Variants in SLC22A14 observed in about 807,000 individuals in gnomAD.
SLC22A14 encodes organic cation transporter-like 4.
In SLC22A14, 50 loss-of-function variants were observed where a neutral mutation model predicts 53.9. The observed-to-expected ratio is 0.93, with a 90% confidence interval of 0.74 to 1.17. SLC22A14 has a LOEUF of 1.17. Among genes scored for constraint, SLC22A14 ranks in the 50% most tolerant of loss-of-function variants. The probability of loss-of-function intolerance (pLI) is 0.00; values close to 1 mark genes in which losing one functional copy is unlikely to be tolerated. For missense variants in SLC22A14, 671 were observed against 734.7 expected, an observed-to-expected ratio of 0.91 and a Z score of 1.00; for synonymous variants, 312 against 303.0, an observed-to-expected ratio of 1.03 and a Z score of -0.31.
rs911994222 is a variant in SLC22A14, at chr3:38,306,179, G to A, written c.153G>A (p.Lys51=). 1 of 1,614,214 alleles carries A rather than the reference G, an allele frequency of 6.2e-7. No homozygotes were observed. The highest frequency in any genetic ancestry group is 1.3e-5 in the African/African-American group (1 of 75,060). The change falls in exon 2 of 11, where the codon AAG becomes AAA. Residue 51 remains lysine (K), a synonymous_variant. Coordinates refer to ENST00000448498, the MANE Select transcript of SLC22A14 (RefSeq NM_001320033.2). ...LRAVHTKQDD[K]FANLLDAVGE... ...CTGTCCACACCAAGCAGGATGACAA[G>A]TTTGCCAACCTCCTGGATGCGGTGG...
intron 1 of SLC22A14, among the ~76,000 whole-genome samples, chr3:38,285,607 T>C (rs953732327): frequency 6.6e-6 from 1 of 152,210 alleles, no homozygotes; most frequent in Non-Finnish European, 1.5e-5. Flanking sequence ...CTCATACAGG[T>C]TGATGGATGG....
Position 38,307,224 on chromosome 3 carries a change from C to T in SLC22A14, c.517-30C>T, listed in dbSNP as rs926332304. ...AGTCTCTGGACCCAAAGGTGGGCAC[C>T]CGTGGCCAATCTCTGTGTCTGACCC... On this transcript the variant is annotated intron_variant, in intron 2 of 10. Coordinates refer to ENST00000448498, the MANE Select transcript of SLC22A14 (RefSeq NM_001320033.2). The surrounding 1 kb of genome is among the most constrained non-coding windows in gnomAD (Gnocchi z 4.4). The T allele has an allele frequency of 1.3e-6, 2 of 1,531,836 alleles. No individual in the cohort carries two copies. The highest frequency in any genetic ancestry group is 1.7e-5 in the Admixed American group (1 of 59,924). 94.9% of individuals were successfully genotyped at this position (1,531,836 alleles called of 1,614,324 possible). A position where few individuals can be genotyped will look rare whatever the true frequency, so the allele number is the denominator to read the frequency against.
intron 1 of SLC22A14, among the ~76,000 whole-genome samples, chr3:38,302,340 A>ATG (rs1442308054): frequency 2.0e-5 from 3 of 147,448 alleles, no homozygotes; most frequent in Non-Finnish European, 4.5e-5. Context: ...TTATATATAT[A>ATG]TTTATATTTT....
At chr3:38,279,788 T>TTTGCTCCTCAAAG (rs1184389862), upstream of SLC22A14, among the ~76,000 whole-genome samples, 46 of 152,274 alleles carry the variant, frequency 3.0e-4, no homozygotes, top group Middle Eastern at 3.4e-3. Context: ...ACCCTGGTTG[T>TTTGCTCCTCAAAG]GTATCTCCTT....
Position 38,309,019 on chromosome 3 carries a change from G to GT in SLC22A14, c.843dup (p.Gly282TrpfsTer92). ...TATCCTGGGACACTGCTTTTTCGCTGTTGGGGCCGTGTTGCTGACAGGGAT... is the reference window on the plus strand; with the variant it reads ...TATCCTGGGACACTGCTTTTTCGCTGTTTGGGGCCGTGTTGCTGACAGGGAT... On this transcript the variant is annotated frameshift_variant, in exon 5 of 11. Transcript: ENST00000448498. LOFTEE classifies it high-confidence loss of function. 1 of 1,614,086 alleles carries GT rather than the reference G, an allele frequency of 6.2e-7. No homozygotes were observed.
chr3:38,298,560 G>T (rs1362759641), intron 1 of SLC22A14, among the ~76,000 whole-genome samples: 1 of 151,794 alleles, frequency 6.6e-6, no homozygotes, highest in East Asian at 1.9e-4. Flanking sequence ...TGTCTTGTGT[G>T]TGTGTGTGTG....
In SLC22A14 at chr3:38,307,700, C is replaced by T. The variant is rs1327759297; in HGVS notation, c.755C>T (p.Ala252Val). The change falls in exon 4 of 11, where the codon GCC (alanine) becomes GTC (valine). Residue 252 changes from alanine (A) to valine (V), a missense_variant. By Grantham distance (64) the Ala-to-Val change is moderately conservative. Transcript: ENST00000448498. The surrounding 1 kb of genome is among the most constrained non-coding windows in gnomAD (Gnocchi z 4.4). The part of the protein sequence containing the change: ...FGISQSVVGY[A>V]ISSISLATEW... ...ATCTCGCAGTCAGTGGTGGGCTACGCCATCAGCAGCATTTCTTTGGGTGAG... is the reference window on the plus strand; with the variant it reads ...ATCTCGCAGTCAGTGGTGGGCTACGTCATCAGCAGCATTTCTTTGGGTGAG... 1 of 1,614,034 alleles carries T rather than the reference C, an allele frequency of 6.2e-7. No individual in the cohort carries two copies. The highest frequency in any genetic ancestry group is 8.5e-7 in the Non-Finnish European group (1 of 1,180,026).
chr3:38,307,675 A>G lies in SLC22A14; in HGVS notation c.730A>G (p.Ile244Val), dbSNP rs542959928. 1 of 1,614,174 alleles carries G rather than the reference A, an allele frequency of 6.2e-7. No individual in the cohort carries two copies. The highest frequency in any genetic ancestry group is 1.1e-5 in the South Asian group (1 of 91,084). The change falls in exon 4 of 11, where the codon ATC (isoleucine) becomes GTC (valine). Residue 244 changes from isoleucine (I) to valine (V), a missense_variant. Transcript: ENST00000448498. This position sits in a 1 kb window ranked among gnomAD's most constrained non-coding sequence, Gnocchi z 4.4. The stretch of plus-strand genomic sequence containing the variant: ...CCTGTATTTGTTCTTTCGCTTTGGC[A>G]TCTCGCAGTCAGTGGTGGGCTACGC... ...FHLYLFFRFG[I>V]SQSVVGYAIS... is the part of the protein sequence containing the mutation.
chr3:38,295,677 ATCTTTC>A (rs1704017342), intron 1 of SLC22A14, among the ~76,000 whole-genome samples: 1 of 150,682 alleles, frequency 6.6e-6, no homozygotes, highest in South Asian at 2.1e-4. Context: ...TTTTATTTCT[ATCTTTC>A]TCTTTCTTTC....
At chr3:38,314,002 C>T in intron 8 of SLC22A14, 61 bp downstream of exon 8, 1 of 1,463,080 alleles carries the variant, frequency 6.8e-7, no homozygotes, top group Non-Finnish European at 9.5e-7. Context: ...AAACCCCTCC[C>T]CAGTGCCGCC....
intron 1 of SLC22A14, among the ~76,000 whole-genome samples, chr3:38,289,335 G>A (rs952848536): frequency 6.6e-6 from 1 of 151,882 alleles, no homozygotes; most frequent in Non-Finnish European, 1.5e-5. Flanking sequence ...GACCTAACTT[G>A]AACTTGGCCA....
chr3:38,305,599 T>C, intron 1 of SLC22A14: 1 of 174,682 alleles, frequency 5.7e-6, no homozygotes, highest in South Asian at 1.3e-4. Flanking sequence ...GCCTCCCACC[T>C]TGGGCCCACC....
intron 2 of SLC22A14, among the ~76,000 whole-genome samples, chr3:38,306,846 A>G (rs1559550888): frequency 6.6e-6 from 1 of 152,230 alleles, no homozygotes; most frequent in Non-Finnish European, 1.5e-5. Flanking sequence ...GGCTCGGGGA[A>G]AGAAGCAGCT....
chr3:38,306,750 A>T (rs1464123439), intron 2 of SLC22A14, among the ~76,000 whole-genome samples: 1 of 152,142 alleles, frequency 6.6e-6, no homozygotes, highest in Non-Finnish European at 1.5e-5. Flanking sequence ...TGGGGTAGAG[A>T]TGGGTGCTGC....
chr3:38,315,637 CAG>C lies in SLC22A14; in HGVS notation c.1463_1464del (p.Glu488ValfsTer16), dbSNP rs1559555347. 1.2e-6 allele frequency: 2 copies of C among 1,614,152 alleles called. No homozygotes were observed. The highest frequency in any genetic ancestry group is 2.2e-5 in the South Asian group (2 of 91,084). On this transcript the variant is annotated frameshift_variant, in exon 9 of 11. Transcript: ENST00000448498. LOFTEE classifies it high-confidence loss of function. ...KSMTILVLMLREFSLAATVTV... is the reference protein window; with the variant it reads ...KSMTILVLMLXEFSLAATVTV... ...CCATGACGATCTTGGTGCTCATGCT[CAG>C]AGAGTTCAGCCTGGCCGCCACTGTC...
At chr3:38,311,335 G>A (rs1704462858) in intron 5 of SLC22A14, among the ~76,000 whole-genome samples, 1 of 152,154 alleles carries the variant, frequency 6.6e-6, no homozygotes, top group South Asian at 2.1e-4. Context: ...ATGTATCTTT[G>A]GGGTTATTCT....
intron 5 of SLC22A14, among the ~76,000 whole-genome samples, chr3:38,311,796 A>G (rs1293499019): frequency 6.6e-6 from 1 of 152,084 alleles, no homozygotes. Context: ...TATTGTCCAT[A>G]TTTACGTCAA....
chr3:38,313,863 A>G lies in SLC22A14; in HGVS notation c.1300A>G (p.Ile434Val). Residue 434 changes from isoleucine to valine, a missense_variant, in exon 8 of 11, where the codon ATT becomes GTT. Physicochemically the swap from Ile to Val is conservative, Grantham distance 29. Transcript: ENST00000448498. ...GTGCTGCATCTTTCTCCTCCAGCAG[A>G]TTGGGAGGAAGTGGAGCCTGGCTGT... ...RLCCIFLLQQ[I>V]GRKWSLAVTL... 1.2e-6 allele frequency: 2 copies of G among 1,613,958 alleles called. No individual in the cohort carries two copies. Among genetic ancestry groups the G allele is most frequent in the East Asian group, 4.5e-5 (2 of 44,856 alleles).
chr3:38,283,778 C>T (rs764832482), intron 1 of SLC22A14, among the ~76,000 whole-genome samples: 10 of 151,414 alleles, frequency 6.6e-5, no homozygotes, highest in Non-Finnish European at 1.3e-4. Context: ...TGCAGTAAGC[C>T]GAGATCACAC....
Sources: gnomAD v4.1 joint callset for allele counts (sites outside exome capture counted in the v4.1 genomes callset) on GRCh38, gnomAD v4.1.1 for gene constraint, Gnocchi (gnomAD v3.1) non-coding constraint, MANE v1.5 for transcripts, NCBI Gene and HGNC (gene_info 2026-07-23, HGNC 2026-07-21) for gene names.